The following HIRIP3 variants were observed in gnomAD, a reference collection of about 807,000 sequenced individuals.
HIRIP3 encodes HIRA interacting protein 3.
In HIRIP3, 40 loss-of-function variants were observed where a neutral mutation model predicts 50.3. The ratio of observed to expected loss-of-function variants is 0.79; its 90% CI spans 0.62 to 1.03. The LOEUF (loss-of-function observed/expected upper bound fraction) is 1.03, where lower values mean the gene tolerates loss of function less well. Among genes scored for constraint, HIRIP3 ranks in the 50% least tolerant of loss-of-function variants. The probability of loss-of-function intolerance (pLI) is 0.00; values close to 1 mark genes in which losing one functional copy is unlikely to be tolerated. For missense variants in HIRIP3, 765 were observed against 705.4 expected, an observed-to-expected ratio of 1.08 and a Z score of -0.96; for synonymous variants, 318 against 261.6, an observed-to-expected ratio of 1.22 and a Z score of -2.08.
upstream of HIRIP3, chr16:29,995,655 C>T: frequency 1.9e-6 from 3 of 1,599,526 alleles, no homozygotes; most frequent in Non-Finnish European, 2.6e-6. Context: ...TTCTCGGCCT[C>T]CGTCAGCGCG....
At position 29,994,498 on chromosome 16, in the gene HIRIP3, CCTTT is replaced by C. The variant is rs1335285773; in HGVS notation, c.643_646del (p.Lys215GlufsTer5). 6 of 1,614,136 alleles carry C rather than the reference CCTTT, an allele frequency of 3.7e-6. No homozygotes were observed. The highest frequency in any genetic ancestry group is 1.6e-4 in the Middle Eastern group (1 of 6,062). On this transcript the variant is annotated frameshift_variant, in exon 4 of 7. Coordinates refer to ENST00000279392, the MANE Select transcript of HIRIP3 (RefSeq NM_003609.5). LOFTEE classifies it high-confidence loss of function. ...TTCACTTTCCTTCAGGCTTTTAGTTCCTTTATTTCCCTCCACCTTCTTTGCTGTC... is the reference window on the plus strand; with the variant it reads ...TTCACTTTCCTTCAGGCTTTTAGTTCATTTCCCTCCACCTTCTTTGCTGTC...
In HIRIP3 at chr16:29,994,181, G is replaced by T; in HGVS notation, c.964C>A (p.Gln322Lys). 1 of 1,614,080 alleles carries T rather than the reference G, an allele frequency of 6.2e-7. No individual in the cohort carries two copies. The highest frequency in any genetic ancestry group is 8.5e-7 in the Non-Finnish European group (1 of 1,180,006). ...PVQRKSEDRT[Q>K]LKGGKRLSGS... ...CTCAACCTCTTCCCACCCTTAAGCT[G>T]GGTCCTGTCCTCACTCTTCCTCTGC... The change falls in exon 4 of 7, where the codon CAG (glutamine) becomes AAG (lysine). Residue 322 changes from glutamine (Q) to lysine (K), a missense_variant. Gln to Lys is a moderately conservative substitution (Grantham distance 53, BLOSUM62 1). Transcript: ENST00000279392.
upstream of HIRIP3, chr16:29,995,656 C>T: frequency 1.9e-6 from 3 of 1,598,160 alleles, no homozygotes; most frequent in Admixed American, 1.7e-5. Flanking sequence ...TCTCGGCCTC[C>T]GTCAGCGCGT....
At position 29,994,229 on chromosome 16, in the gene HIRIP3, C is replaced by G; in HGVS notation, c.916G>C (p.Gly306Arg). The change falls in exon 4 of 7, where the codon GGG (glycine) becomes CGG (arginine). Residue 306 changes from glycine (G) to arginine (R), a missense_variant. Physicochemically the swap from Gly to Arg is moderately radical, Grantham distance 125. Transcript: ENST00000279392. ...KEAASSGDDS[G>R]RDREPPVQRK... ...TGCACTGGGGGTTCTCTATCTCTCC[C>G]ACTGTCATCCCCACTGCTGGCTGCC... is the stretch of plus-strand genomic sequence containing the variant. The G allele has an allele frequency of 6.2e-7, 1 of 1,614,092 alleles. No individual in the cohort carries two copies. The highest frequency in any genetic ancestry group is 8.5e-7 in the Non-Finnish European group (1 of 1,179,988).
rs970578881 is a variant in HIRIP3, at chr16:29,993,331, T to G, written c.1547A>C (p.Glu516Ala). Residue 516 changes from glutamate (E) to alanine (A), a missense_variant, in exon 7 of 7, where the codon GAA (glutamate) becomes GCA (alanine). Glu to Ala is a moderately radical substitution (Grantham distance 107). Coordinates refer to ENST00000279392, the MANE Select transcript of HIRIP3 (RefSeq NM_003609.5). ...RRRTAWNPLG[E>A]AAPPGELYRR... Reference sequence around the variant, plus strand: ...GTACAGCTCCCCTGGGGGTGCTGCTTCTCCTAAAGGGTTCCAGGCTGTACG... The same window carrying G: ...GTACAGCTCCCCTGGGGGTGCTGCTGCTCCTAAAGGGTTCCAGGCTGTACG... The G allele has an allele frequency of 1.9e-6, 3 of 1,538,550 alleles. No homozygotes were observed. Among genetic ancestry groups the G allele is most frequent in the Non-Finnish European group, 1.8e-6 (2 of 1,140,082 alleles).
chr16:29,995,106 A>C lies in HIRIP3; in HGVS notation c.298T>G (p.Ser100Ala), dbSNP rs1238800979. ...ACAGCAGGGAGGAAGCACTAACCCG[A>C]CTCTGAATTGAAGCGGAACCTTTTT... ...ERKRFRFNSE[S>A]ESGSEASSPD... The change falls in exon 3 of 7, where the codon TCG becomes GCG. Residue 100 changes from serine (S) to alanine (A), a missense_variant. Transcript: ENST00000279392. 6.2e-7 allele frequency: 1 copy of C among 1,613,854 alleles called. No homozygotes were observed. The highest frequency in any genetic ancestry group is 1.6e-4 in the Middle Eastern group (1 of 6,062).
chr16:29,994,923 C>T, intron 3 of HIRIP3, 80 bp from the exon 4 acceptor site: 1 of 1,520,188 alleles, frequency 6.6e-7, no homozygotes, highest in Middle Eastern at 1.8e-4. Context: ...TTGCCTCGAG[C>T]CCTGCCCTGA....
intron 3 of HIRIP3, 116 bp from the exon 4 acceptor site, chr16:29,994,959 C>G (rs1227616669): frequency 6.7e-7 from 1 of 1,484,624 alleles, no homozygotes; most frequent in African/African-American, 1.4e-5. Flanking sequence ...CAGGAAACAG[C>G]TATCTGTACT....
intron 6 of HIRIP3, 34 bp downstream of exon 6, chr16:29,993,425 A>C (rs1718073613): frequency 1.4e-5 from 23 of 1,594,756 alleles, no homozygotes; most frequent in Non-Finnish European, 2.0e-5. Flanking sequence ...AACCCCACCT[A>C]TCTGCTCCTG....
chr16:29,995,176 G>A lies in HIRIP3; in HGVS notation c.228C>T (p.Thr76=). The A allele has an allele frequency of 6.2e-7, 1 of 1,614,252 alleles. No homozygotes were observed. Among genetic ancestry groups the A allele is most frequent in the South Asian group, 1.1e-5 (1 of 91,090 alleles). The change falls in exon 3 of 7, where the codon ACC becomes ACT. Residue 76 remains threonine (T), a synonymous_variant. Transcript: ENST00000279392. ...GGGTGGGAGGCCTCTTGCCCTTCTT[G>A]GTAAGGTCCAGTTTGTCTTCCCTGG... ...AASREDKLDL[T]KKGKRPPTPC... is the part of the protein sequence containing the mutation.
intron 5 of HIRIP3, 32 bp from the exon 6 acceptor site, chr16:29,993,589 C>T: frequency 6.2e-7 from 1 of 1,611,898 alleles, no homozygotes; most frequent in Non-Finnish European, 8.5e-7. Flanking sequence ...ATTCTCTCCT[C>T]CCCAGCAGGA....
rs1456903986 is a variant in HIRIP3, at chr16:29,994,398, T to C, written c.747A>G (p.Glu249=). The change falls in exon 4 of 7, where the codon GAA becomes GAG. Residue 249 remains glutamate (E), a synonymous_variant. Transcript: ENST00000279392. ...TCCAATCCCCCTTTTCCTCATCCTCTTCTTTCTCTTCCTCCTCCACTTCCT... is the reference window on the plus strand; with the variant it reads ...TCCAATCCCCCTTTTCCTCATCCTCCTCTTTCTCTTCCTCCTCCACTTCCT... ...REEEVEEEEK[E]EDEEKGDWKP... 1 of 1,613,926 alleles carries C rather than the reference T, an allele frequency of 6.2e-7. No homozygotes were observed. The highest frequency in any genetic ancestry group is 8.5e-7 in the Non-Finnish European group (1 of 1,179,982).
At chr16:29,994,878 C>A (rs201366598) in intron 3 of HIRIP3, 35 bp from the exon 4 acceptor site, 1 of 1,560,574 alleles carries the variant, frequency 6.4e-7, no homozygotes, top group South Asian at 1.2e-5. Flanking sequence ...TTGAGACAGG[C>A]TCCTCCTGTC....
In HIRIP3 at chr16:29,994,828, G is replaced by A. The variant is rs779210410; in HGVS notation, c.317C>T (p.Ala106Val). Residue 106 changes from alanine to valine, a missense_variant, in exon 4 of 7, where the codon GCC (alanine) becomes GTC (valine). Coordinates refer to ENST00000279392, the MANE Select transcript of HIRIP3 (RefSeq NM_003609.5). The stretch of plus-strand genomic sequence containing the variant: ...GGGTCCAAAGTAGTCTGGGCTGGAG[G>A]CTTCAGAGCCGGACTCTGGAATATG... ...FNSESESGSEASSPDYFGPPA... is the reference protein window; with the variant it reads ...FNSESESGSEVSSPDYFGPPA... The A allele has an allele frequency of 1.9e-6, 3 of 1,609,680 alleles. No homozygotes were observed. Among genetic ancestry groups the A allele is most frequent in the African/African-American group, 2.7e-5 (2 of 74,788 alleles).
At chr16:29,995,710 C>T (rs551166516), upstream of HIRIP3, 9 of 1,436,028 alleles carry the variant, frequency 6.3e-6, no homozygotes, top group African/African-American at 2.8e-5. Flanking sequence ...CAACGTGGGG[C>T]GAGGGACCGT....
chr16:29,992,771 T>C lies in HIRIP3; in HGVS notation c.*436A>G, dbSNP rs992762087. On this transcript the variant is annotated 3_prime_UTR_variant, in exon 7 of 7. Transcript: ENST00000279392. ...TGGGCATTAGGTTATCAGACTAGGCTAAAAGCAGAGGGGCCACGGGGTAGG... is the reference window on the plus strand; with the variant it reads ...TGGGCATTAGGTTATCAGACTAGGCCAAAAGCAGAGGGGCCACGGGGTAGG... 1 of 156,988 alleles carries C rather than the reference T, an allele frequency of 6.4e-6. No individual in the cohort carries two copies. 9.7% of individuals were successfully genotyped at this position (156,988 alleles called of 1,614,324 possible).
Position 29,994,444 on chromosome 16 carries a change from T to C in HIRIP3, c.701A>G (p.Gln234Arg). 6.2e-7 allele frequency: 1 copy of C among 1,614,054 alleles called. No homozygotes were observed. Among genetic ancestry groups the C allele is most frequent in the Non-Finnish European group, 8.5e-7 (1 of 1,179,946 alleles). Residue 234 changes from glutamine (Q) to arginine (R), a missense_variant, in exon 4 of 7, where the codon CAG becomes CGG. Gln to Arg is a conservative substitution (Grantham distance 43). Coordinates refer to ENST00000279392, the MANE Select transcript of HIRIP3 (RefSeq NM_003609.5). ...EQESEEEILA[Q>R]KKEQREEEVE... ...TTCCTCCTCTCTCTGCTCTTTCTTC[T>C]GGGCTAGGATCTCCTCTTCACTCTC... is the stretch of plus-strand genomic sequence containing the variant.
upstream of HIRIP3, chr16:29,995,753 A>G: frequency 1.1e-6 from 1 of 919,888 alleles, no homozygotes; most frequent in Non-Finnish European, 1.7e-6. Context: ...TGGGCCGAGA[A>G]CTTTGCCAGA....
rs1253642021 is a variant in HIRIP3, at chr16:29,993,217, T to C, written c.1661A>G (p.Glu554Gly). 1 of 1,592,470 alleles carries C rather than the reference T, an allele frequency of 6.3e-7. No homozygotes were observed. The highest frequency in any genetic ancestry group is 1.4e-5 in the African/African-American group (1 of 74,016). Residue 554 changes from glutamate (E) to glycine (G), a missense_variant, in exon 7 of 7, where the codon GAG becomes GGG. By Grantham distance (98) the Glu-to-Gly change is moderately conservative. Transcript: ENST00000279392. ...HMRGIISSDG[E>G]SN is the part of the protein sequence containing the mutation. The stretch of plus-strand genomic sequence containing the variant: ...TGGGGGTGGCAGAGCTCAGTTACTC[T>C]CGCCATCACTGCTGATGATGCCACG...
Sources: gnomAD v4.1 joint callset for allele counts on GRCh38, gnomAD v4.1.1 for gene constraint, MANE v1.5 for transcripts, NCBI Gene and HGNC (gene_info 2026-07-23, HGNC 2026-07-21) for gene names.